Variants in CD177 observed in about 807,000 individuals in gnomAD.
CD177 encodes CD177 molecule.
A neutral mutation model predicts 38.1 loss-of-function variants in CD177; 41 were observed. The ratio of observed to expected loss-of-function variants is 1.07; its 90% CI spans 0.84 to 1.39. The LOEUF (loss-of-function observed/expected upper bound fraction) is 1.39, where lower values mean the gene tolerates loss of function less well. Among genes scored for constraint, CD177 ranks in the 40% most tolerant of loss-of-function variants. The pLI is 0.00. For missense variants in CD177, 619 were observed against 523.8 expected, an observed-to-expected ratio of 1.18 and a Z score of -1.77; for synonymous variants, 236 against 216.7, an observed-to-expected ratio of 1.09 and a Z score of -0.78.
At position 43,361,708 on chromosome 19, in the gene CD177, G is replaced by C. The variant is rs1365489322; in HGVS notation, c.1081+129G>C. On this transcript the variant is annotated intron_variant, in intron 8 of 8. Coordinates refer to ENST00000618265, the MANE Select transcript of CD177 (RefSeq NM_020406.4). The stretch of plus-strand genomic sequence containing the variant: ...GAGGCGCTGGGGGCCTGGACTCCTG[G>C]TCCGAGGGAGGAGGGGCTGGGGGCC... 8.2e-6 allele frequency: 8 copies of C among 977,836 alleles called. No homozygotes were observed. In the East Asian group the frequency reaches 2.1e-4, roughly 26 times the overall value. 60.6% of individuals were successfully genotyped at this position (977,836 alleles called of 1,614,324 possible).
intron 5 of CD177, among the ~76,000 whole-genome samples, chr19:43,359,560 C>T (rs62113742): frequency 6.1e-3 from 5 of 816 alleles, no homozygotes; most frequent in East Asian, 0.053. Context: ...CAGTACCTGT[C>T]TCCCTCCTGC....
chr19:43,354,474 C>A, intron 3 of CD177, 82 bp downstream of exon 3: 4 of 1,450,040 alleles, frequency 2.8e-6, no homozygotes, highest in Non-Finnish European at 3.8e-6. Context: ...TACGGAGTCC[C>A]TCCCACCCTC....
chr19:43,362,480 C>T lies in CD177; in HGVS notation c.*160C>T, dbSNP rs1969986613. The T allele has an allele frequency of 3.7e-6, 2 of 533,934 alleles. No individual in the cohort carries two copies. Among genetic ancestry groups the T allele is most frequent in the Admixed American group, 3.3e-5 (1 of 30,004 alleles). 33.1% of individuals were successfully genotyped at this position (533,934 alleles called of 1,614,324 possible). A position where few individuals can be genotyped will look rare whatever the true frequency, so the allele number is the denominator to read the frequency against. ...TTCATATCTACTCACCTAACAGCAA[C>T]ACTGGGGAGAGCCTGGAGCATCCGG... On this transcript the variant is annotated 3_prime_UTR_variant, in exon 9 of 9. Transcript: ENST00000618265.
Position 43,355,799 on chromosome 19 carries a change from C to G in CD177, c.502+16C>G, listed in dbSNP as rs374615051. 2 of 1,612,796 alleles carry G rather than the reference C, an allele frequency of 1.2e-6. No homozygotes were observed. Among genetic ancestry groups the G allele is most frequent in the Non-Finnish European group, 1.7e-6 (2 of 1,179,368 alleles). ...CTCAGGGGAGGTAAGCCTGGGACAT[C>G]GGGGTCCCTGTGGGGACTGAACTGG... On this transcript the variant is annotated intron_variant, in intron 4 of 8. Transcript: ENST00000618265.
At chr19:43,363,760 C>T (rs1301337189), downstream of CD177, among the ~76,000 whole-genome samples, 1 of 152,166 alleles carries the variant, frequency 6.6e-6, no homozygotes, top group Non-Finnish European at 1.5e-5. Context: ...TCCCTTGCCC[C>T]TCGGCATCCA....
intron 3 of CD177, 45 bp downstream of exon 3, chr19:43,354,437 G>A: frequency 6.3e-7 from 1 of 1,598,004 alleles, no homozygotes. Flanking sequence ...CTGCTAGAAG[G>A]GGATCCGCTG....
In CD177 at chr19:43,362,353, G is replaced by C. The variant is rs768809458; in HGVS notation, c.*33G>C. The C allele has an allele frequency of 4.9e-6, 5 of 1,014,938 alleles. No homozygotes were observed. The highest frequency in any genetic ancestry group is 2.2e-5 in the Admixed American group (1 of 44,630). The allele number at this position is 1,014,938 out of a possible 1,614,324, so 62.9% of individuals were successfully genotyped here. A position where few individuals can be genotyped will look rare whatever the true frequency, so the allele number is the denominator to read the frequency against. On this transcript the variant is annotated 3_prime_UTR_variant, in exon 9 of 9. Coordinates refer to ENST00000618265, the MANE Select transcript of CD177 (RefSeq NM_020406.4). The stretch of plus-strand genomic sequence containing the variant: ...ACCCCCACGATTCTTCACCGCTGCT[G>C]ACCACCCACACTCAACCTCCCTCTG...
At chr19:43,359,910 A>G (rs1205768585) in intron 5 of CD177, among the ~76,000 whole-genome samples, 1 of 146,910 alleles carries the variant, frequency 6.8e-6, no homozygotes, top group Non-Finnish European at 1.5e-5. Context: ...AGGTATGAGA[A>G]AGGTCTCAGG....
At chr19:43,355,829 T>C (rs1376797549) in intron 4 of CD177, 46 bp downstream of exon 4, 7 of 1,611,290 alleles carry the variant, frequency 4.3e-6, no homozygotes, top group Non-Finnish European at 5.9e-6. Context: ...AACTGGAAGG[T>C]CTGGGGACTG....
chr19:43,361,991 C>A, intron 8 of CD177, 97 bp from the exon 9 acceptor site: 3 of 950,244 alleles, frequency 3.2e-6, no homozygotes, highest in Non-Finnish European at 4.7e-6. Flanking sequence ...CTGGGCTCCT[C>A]GGTCTGAGGG....
At chr19:43,354,413 A>T (rs1969892725) in intron 3 of CD177, 21 bp downstream of exon 3, 1 of 1,612,504 alleles carries the variant, frequency 6.2e-7, no homozygotes, top group African/African-American at 1.3e-5. Context: ...GAGGGTCGGG[A>T]GGAGAGGGAG....
intron 2 of CD177, 42 bp downstream of exon 2, chr19:43,354,035 CA>C: frequency 5.6e-6 from 9 of 1,599,328 alleles, no homozygotes; most frequent in Non-Finnish European, 7.7e-6. Context: ...CCTGTCCCCT[CA>C]GTCCCTTGAT....
intron 2 of CD177, 25 bp downstream of exon 2, chr19:43,354,018 A>T (rs1213294725): frequency 6.2e-7 from 1 of 1,606,790 alleles, no homozygotes; most frequent in Non-Finnish European, 8.5e-7. Context: ...GCGTGCAGAG[A>T]CCCCGCCCTG....
intron 2 of CD177, 86 bp downstream of exon 2, chr19:43,354,079 G>C (rs771159259): frequency 6.4e-7 from 1 of 1,572,102 alleles, no homozygotes; most frequent in East Asian, 2.3e-5. Context: ...CACCCCTCCG[G>C]GGGATCGACT....
intron 8 of CD177, 23 bp from the exon 9 acceptor site, chr19:43,362,065 C>T: frequency 6.2e-6 from 10 of 1,605,496 alleles, no homozygotes; most frequent in Non-Finnish European, 8.5e-6. Flanking sequence ...TGTGTCCTTT[C>T]TGACTTGGTC....
In CD177 at chr19:43,362,930, C is replaced by T. The variant is rs1417754365; in HGVS notation, c.*610C>T. 6.6e-6 allele frequency: 1 copy of T among 152,148 alleles called. No homozygotes were observed. The highest frequency in any genetic ancestry group is 2.4e-5 in the African/African-American group (1 of 41,400). 9.4% of individuals were successfully genotyped at this position (152,148 alleles called of 1,614,324 possible). A position where few individuals can be genotyped will look rare whatever the true frequency, so the allele number is the denominator to read the frequency against. Reference sequence around the variant, plus strand: ...CAGGGACGTGTCGTTAGAAATGTGTCGTTAGGTGATTTTATGACCATAGGA... The same window carrying T: ...CAGGGACGTGTCGTTAGAAATGTGTTGTTAGGTGATTTTATGACCATAGGA... On this transcript the variant is annotated 3_prime_UTR_variant, in exon 9 of 9. Coordinates refer to ENST00000618265, the MANE Select transcript of CD177 (RefSeq NM_020406.4).
chr19:43,354,288 G>T lies in CD177; in HGVS notation c.275G>T (p.Gly92Val). ...CCCCGCGTCACTGAGCACCGGATGGGCCCCGGCCTCTCCCTGATCTCCTAC... is the reference window on the plus strand; with the variant it reads ...CCCCGCGTCACTGAGCACCGGATGGTCCCCGGCCTCTCCCTGATCTCCTAC... ...QEPRVTEHRM[G>V]PGLSLISYTF... The change falls in exon 3 of 9, where the codon GGC becomes GTC. Residue 92 changes from glycine to valine, a missense_variant. Gly to Val is a moderately radical substitution (Grantham distance 109, BLOSUM62 -3). Coordinates refer to ENST00000618265, the MANE Select transcript of CD177 (RefSeq NM_020406.4). 1 of 1,613,932 alleles carries T rather than the reference G, an allele frequency of 6.2e-7. No homozygotes were observed. Among genetic ancestry groups the T allele is most frequent in the Non-Finnish European group, 8.5e-7 (1 of 1,179,892 alleles).
In CD177 at chr19:43,355,719, A is replaced by C; in HGVS notation, c.438A>C (p.Thr146=). Residue 146 remains threonine, a synonymous_variant, in exon 4 of 9, where the codon ACA becomes ACC. Coordinates refer to ENST00000618265, the MANE Select transcript of CD177 (RefSeq NM_020406.4). ...CLSMEGCLEG[T]TEEICPKGTT... is the part of the protein sequence containing the mutation. ...CTATGGAAGGCTGTCTGGAGGGGAC[A>C]ACAGAAGAGATCTGCCCCAAGGGGA... 3 of 1,612,918 alleles carry C rather than the reference A, an allele frequency of 1.9e-6. No individual in the cohort carries two copies. Among genetic ancestry groups the C allele is most frequent in the Non-Finnish European group, 2.5e-6 (3 of 1,179,314 alleles).
chr19:43,353,696 T>A lies in CD177; in HGVS notation c.-19T>A. ...TCCTGCTGAAAAAGCAGAAAGAGAT[T>A]ACCAGCCACAGACGGGTCATGAGCG... On this transcript the variant is annotated 5_prime_UTR_variant, in exon 1 of 9. Coordinates refer to ENST00000618265, the MANE Select transcript of CD177 (RefSeq NM_020406.4). 6.2e-7 allele frequency: 1 copy of A among 1,613,728 alleles called. No homozygotes were observed. Among genetic ancestry groups the A allele is most frequent in the Non-Finnish European group, 8.5e-7 (1 of 1,179,762 alleles).
Sources: allele counts gnomAD v4.1 joint callset (sites outside exome capture counted in the v4.1 genomes callset), GRCh38; gene constraint gnomAD v4.1.1; transcripts MANE v1.5; gene names NCBI Gene and HGNC (gene_info 2026-07-23, HGNC 2026-07-21).